Variants in AKT3 observed in about 807,000 individuals in gnomAD.
The protein encoded by AKT3 is AKT serine/threonine kinase 3, also known as RAC-gamma serine/threonine-protein kinase.
Under a neutral mutation model 65.3 loss-of-function variants are expected in AKT3, and 15 were observed. The observed-to-expected ratio is 0.23, with a 90% CI of 0.15 to 0.35. The LOEUF (loss-of-function observed/expected upper bound fraction) is 0.35. Among genes scored for constraint, AKT3 ranks in the 10% least tolerant of loss-of-function variants. AKT3 has a pLI of 1.00. For missense variants in AKT3, 243 were observed against 576.5 expected (o/e 0.42, Z 5.92); for synonymous variants, 206 against 183.8 (o/e 1.12, Z -0.98).
At chr1:243,821,516 AGTGTGCT>A (rs1250825700) in intron 2 of AKT3, among the ~76,000 whole-genome samples, 1 of 152,178 alleles carries the variant, frequency 6.6e-6, no homozygotes, top group East Asian at 1.9e-4. Context: ...AAGACCCATC[AGTGTGCT>A]GTATTCAAGA....
intron 4 of AKT3, among the ~76,000 whole-genome samples, chr1:243,655,284 CTCTT>C (rs201397024): frequency 0.027 from 4,082 of 152,142 alleles, 71 homozygotes; most frequent in Non-Finnish European, 0.037. Flanking sequence ...TTCTATGGGG[CTCTT>C]TCTTTTTAAT....
chr1:243,649,046 T>C (rs542215557), intron 4 of AKT3, among the ~76,000 whole-genome samples: 1 of 152,210 alleles, frequency 6.6e-6, no homozygotes, highest in Admixed American at 6.5e-5. Flanking sequence ...CAAATTTCCT[T>C]CTAAGCATTC....
At chr1:243,730,252 C>T (rs566668404) in intron 2 of AKT3, among the ~76,000 whole-genome samples, 1 of 152,342 alleles carries the variant, frequency 6.6e-6, no homozygotes, top group Admixed American at 6.5e-5. Flanking sequence ...CAGCTGGACT[C>T]AAGGTAAGTA....
intron 2 of AKT3, among the ~76,000 whole-genome samples, chr1:243,780,089 G>A (rs1158319339): frequency 6.6e-6 from 1 of 152,022 alleles, no homozygotes; most frequent in African/African-American, 2.4e-5. Flanking sequence ...GCCAAAATTG[G>A]TGGGCCAAAG....
In AKT3 at chr1:243,527,870, AACACACACACACACACACACACACACAC is replaced by A. The variant is rs56956606; in HGVS notation, c.1252-15472_1252-15445del. 8.9e-4 allele frequency among the ~76,000 whole-genome samples: 88 copies of A among 99,228 alleles called. 1 individual carries two copies. The highest frequency in any genetic ancestry group is 5.4e-3 in the Middle Eastern group (1 of 184). 65.1% of individuals were successfully genotyped at this position (99,228 alleles called of 152,430 possible). A position where few individuals can be genotyped will look rare whatever the true frequency, so the allele number is the denominator to read the frequency against. ...ATTACAGCAAGACTCCATCTCTTAA[AACACACACACACACACACACACACACAC>A]ACACACACACACACACACACACACA... is the stretch of plus-strand genomic sequence containing the variant. On this transcript the variant is annotated intron_variant, in intron 12 of 13. Transcript: ENST00000673466.
intron 12 of AKT3, among the ~76,000 whole-genome samples, chr1:243,524,593 C>T (rs1324131694): frequency 6.6e-6 from 1 of 152,240 alleles, no homozygotes; most frequent in African/African-American, 2.4e-5. Flanking sequence ...TTTAAATAAG[C>T]TCTCTCACAC....
intron 6 of AKT3, among the ~76,000 whole-genome samples, chr1:243,615,792 T>C (rs1354938905): frequency 6.6e-6 from 1 of 152,014 alleles, no homozygotes; most frequent in East Asian, 1.9e-4. Context: ...AGTACAGTGG[T>C]ACAATCACAG....
At position 243,503,650 on chromosome 1, in the gene AKT3, A is replaced by G. The variant is rs1287741671; in HGVS notation, c.*1599T>C. 1 of 232,472 alleles carries G rather than the reference A, an allele frequency of 4.3e-6. No individual in the cohort carries two copies. Among genetic ancestry groups the G allele is most frequent in the Non-Finnish European group, 8.5e-6 (1 of 117,388 alleles). The allele number at this position is 232,472 out of a possible 1,614,324, so 14.4% of individuals were successfully genotyped here. On this transcript the variant is annotated 3_prime_UTR_variant, in exon 14 of 14. Coordinates refer to ENST00000673466, the MANE Select transcript of AKT3 (RefSeq NM_005465.7). ...GAGGTTTGCATACATGCCCCCTTTC[A>G]GTGAGAAATGTTGGAATCTGGGGGA...
intron 4 of AKT3, among the ~76,000 whole-genome samples, chr1:243,654,594 T>C (rs1480354744): frequency 2.0e-5 from 3 of 152,170 alleles, no homozygotes; most frequent in Non-Finnish European, 1.5e-5. Context: ...GCTGGGATTA[T>C]AGGCATAAGA....
chr1:243,522,380 G>T (rs1376429761), intron 12 of AKT3, among the ~76,000 whole-genome samples: 1 of 152,192 alleles, frequency 6.6e-6, no homozygotes, highest in South Asian at 2.1e-4. Context: ...ATGTAAGGCT[G>T]GGCACAGTGG....
At chr1:243,609,938 C>T (rs1476213789) in intron 8 of AKT3, among the ~76,000 whole-genome samples, 1 of 152,078 alleles carries the variant, frequency 6.6e-6, no homozygotes, top group Non-Finnish European at 1.5e-5. Context: ...CAAAGTCCCA[C>T]CATCTATCTA....
intron 8 of AKT3, among the ~76,000 whole-genome samples, chr1:243,576,008 G>A (rs1029839015): frequency 6.6e-6 from 1 of 152,022 alleles, no homozygotes; most frequent in African/African-American, 2.4e-5. Flanking sequence ...CATGACAAGA[G>A]CATGAATTTT....
chr1:243,703,308 AAATAT>A (rs750304099), intron 2 of AKT3, among the ~76,000 whole-genome samples: 74 of 152,328 alleles, frequency 4.9e-4, no homozygotes, highest in Non-Finnish European at 7.6e-4. Flanking sequence ...GCATGACAAT[AAATAT>A]AATAAGACAT....
At chr1:243,660,029 T>C (rs1265553585) in intron 4 of AKT3, among the ~76,000 whole-genome samples, 2 of 151,920 alleles carry the variant, frequency 1.3e-5, no homozygotes, top group African/African-American at 2.4e-5. Context: ...CTTTTTCTAT[T>C]GATTGGAATA....
chr1:243,741,916 G>A (rs894056948), intron 2 of AKT3: 1 of 151,862 alleles, frequency 6.6e-6, no homozygotes, highest in African/African-American at 2.4e-5. Flanking sequence ...ATTCCAATTA[G>A]ACTATGAGTA....
intron 2 of AKT3, among the ~76,000 whole-genome samples, chr1:243,729,385 G>A (rs184973912): frequency 1.3e-4 from 20 of 152,050 alleles, no homozygotes; most frequent in Non-Finnish European, 4.4e-5. Context: ...TTAAAAGGGT[G>A]GAATTCAAAA....
intron 3 of AKT3, among the ~76,000 whole-genome samples, chr1:243,682,964 T>C (rs1325039590): frequency 6.6e-6 from 1 of 152,150 alleles, no homozygotes; most frequent in Non-Finnish European, 1.5e-5. Flanking sequence ...CCATAAAACA[T>C]CTCAAAATAC....
At chr1:243,561,815 G>A (rs904282399) in intron 10 of AKT3, among the ~76,000 whole-genome samples, 12 of 152,136 alleles carry the variant, frequency 7.9e-5, no homozygotes, top group Admixed American at 5.2e-4. Flanking sequence ...CACTTTCGCT[G>A]AACATAGTAT....
Position 243,563,773 on chromosome 1 carries a change from C to A in AKT3, c.895G>T (p.Asp299Tyr). ...CAGAATGTCTTCATGGTGGCTGCAT[C>A]TGTGATCCCTTCTTTGCAAAGTCCA... ...DFGLCKEGITDAATMKTFCGT... is the reference protein window; with the variant it reads ...DFGLCKEGITYAATMKTFCGT... The change falls in exon 10 of 14, where the codon GAT (aspartate) becomes TAT (tyrosine). Residue 299 changes from aspartate (D) to tyrosine (Y), a missense_variant. Physicochemically the swap from Asp to Tyr is radical, Grantham distance 160. Transcript: ENST00000673466. The A allele has an allele frequency of 6.2e-7, 1 of 1,613,188 alleles. No individual in the cohort carries two copies. Among genetic ancestry groups the A allele is most frequent in the Middle Eastern group, 1.7e-4 (1 of 6,056 alleles).
Sources: allele counts gnomAD v4.1 joint callset (sites outside exome capture counted in the v4.1 genomes callset), GRCh38; gene constraint gnomAD v4.1.1; transcripts MANE v1.5; gene names NCBI Gene and HGNC (gene_info 2026-07-23, HGNC 2026-07-21).